Variants in HYDIN observed in about 807,000 individuals in gnomAD.
HYDIN encodes the protein axonemal central pair apparatus protein HYDIN.
HYDIN carries 132 observed loss-of-function variants against 403.9 expected under a neutral mutation model. The ratio of observed to expected loss-of-function variants is 0.33; its 90% CI spans 0.28 to 0.38. The LOEUF (loss-of-function observed/expected upper bound fraction) is 0.38. HYDIN is among the 10% of genes least tolerant of loss of function. HYDIN has a pLI of 1.00. For missense variants in HYDIN, 2,827 were observed against 5,009.5 expected, an observed-to-expected ratio of 0.56 and a Z score of 13.15; for synonymous variants, 1,202 against 1,891.7, an observed-to-expected ratio of 0.64 and a Z score of 9.46.
chr16:70,982,623 G>T (rs551819258), intron 28 of HYDIN, among the ~76,000 whole-genome samples: 12 of 140,670 alleles, frequency 8.5e-5, no homozygotes, highest in Non-Finnish European at 1.2e-4. Flanking sequence ...AGTGTTTTTC[G>T]TCTTCCTTTT....
At chr16:70,972,733 A>G (rs1171418288) in intron 35 of HYDIN, among the ~76,000 whole-genome samples, 7 of 152,304 alleles carry the variant, frequency 4.6e-5, no homozygotes, top group Non-Finnish European at 7.3e-5. Context: ...TCAAATTCAG[A>G]TTTTTCAAAT....
chr16:70,850,674 A>C lies in HYDIN; in HGVS notation c.12444-19T>G, dbSNP rs756481002. 6.2e-7 allele frequency: 1 copy of C among 1,604,430 alleles called. No homozygotes were observed. Among genetic ancestry groups the C allele is most frequent in the African/African-American group, 1.3e-5 (1 of 74,678 alleles). On this transcript the variant is annotated intron_variant, in intron 73 of 85. Coordinates refer to ENST00000393567, the MANE Select transcript of HYDIN (RefSeq NM_001270974.2). The stretch of plus-strand genomic sequence containing the variant: ...TGGGAACCTGGTTGGGGAACAAAAC[A>C]GCAGATTACCTGACTAGGCCAACTT...
rs767319126 is a variant in HYDIN, at chr16:71,093,923, C to T, written c.1340G>A (p.Arg447His). 1.9e-5 allele frequency: 31 copies of T among 1,613,240 alleles called. No homozygotes were observed. The Admixed American group carries it at 3.0e-4, about 16-fold the overall frequency. Residue 447 changes from arginine to histidine, a missense_variant, in exon 11 of 86, where the codon CGT becomes CAT. Arg to His is a conservative substitution (Grantham distance 29). Transcript: ENST00000393567. ...IYCDILGREIRLPLRIKGEGM... is the reference protein window; with the variant it reads ...IYCDILGREIHLPLRIKGEGM... Reference sequence around the variant, plus strand: ...TTCCCCTTTGATTCGGAGGGGCAGACGGATTTCTCGGCCTAGAAAAACAAT... The same window carrying T: ...TTCCCCTTTGATTCGGAGGGGCAGATGGATTTCTCGGCCTAGAAAAACAAT...
intron 13 of HYDIN, among the ~76,000 whole-genome samples, chr16:71,074,322 TAAC>T (rs1248099320): frequency 1.3e-5 from 2 of 149,932 alleles, no homozygotes; most frequent in Non-Finnish European, 3.0e-5. Context: ...CCTGAGCTAA[TAAC>T]AAGCTTATGC....
At chr16:70,966,211 G>A (rs141735843) in intron 36 of HYDIN, among the ~76,000 whole-genome samples, 17 of 152,346 alleles carry the variant, frequency 1.1e-4, no homozygotes, top group Non-Finnish European at 4.4e-5. Context: ...ATGTTCCTGA[G>A]AGTGCCCTCA....
At chr16:71,053,447 T>C (rs2081736555) in intron 18 of HYDIN, among the ~76,000 whole-genome samples, 1 of 152,172 alleles carries the variant, frequency 6.6e-6, no homozygotes, top group Non-Finnish European at 1.5e-5. Flanking sequence ...GAAATAAACA[T>C]AATAAGTGGT....
At chr16:70,974,973 T>C (rs1182487107) in intron 31 of HYDIN, among the ~76,000 whole-genome samples, 163 bp downstream of exon 31, 2 of 151,924 alleles carry the variant, frequency 1.3e-5, no homozygotes, top group African/African-American at 2.4e-5. Flanking sequence ...AGCTGCCCAG[T>C]TGGCTTGATG....
chr16:71,133,267 C>G (rs1301469180), intron 8 of HYDIN: 3 of 456,422 alleles, frequency 6.6e-6, no homozygotes, highest in Non-Finnish European at 1.3e-5. Context: ...TGGCCTGGAA[C>G]AAATGGAGCC....
At chr16:71,051,342 G>A (rs1162837840) in intron 18 of HYDIN, among the ~76,000 whole-genome samples, 1 of 151,874 alleles carries the variant, frequency 6.6e-6, no homozygotes, top group Non-Finnish European at 1.5e-5. Flanking sequence ...TATAAGAGAT[G>A]TTATGCTTAA....
intron 1 of HYDIN, among the ~76,000 whole-genome samples, chr16:71,226,125 A>C (rs1248424702): frequency 6.6e-6 from 1 of 152,252 alleles, no homozygotes; most frequent in Non-Finnish European, 1.5e-5. Flanking sequence ...AAATAAGAAC[A>C]AAGTAGAAGG....
At chr16:71,156,239 C>A (rs893734745) in intron 6 of HYDIN, among the ~76,000 whole-genome samples, 6 of 152,148 alleles carry the variant, frequency 3.9e-5, no homozygotes, top group African/African-American at 1.4e-4. Context: ...GGTTACTTTG[C>A]CTTTGTGCTA....
At chr16:71,110,198 G>A (rs374605841) in intron 10 of HYDIN, among the ~76,000 whole-genome samples, 1 of 146,148 alleles carries the variant, frequency 6.8e-6, no homozygotes, top group East Asian at 2.0e-4. Flanking sequence ...CTTGGTGCTA[G>A]CAGCATAAGA....
At chr16:71,213,230 G>C (rs1003786046) in intron 1 of HYDIN, among the ~76,000 whole-genome samples, 1 of 152,110 alleles carries the variant, frequency 6.6e-6, no homozygotes, top group Admixed American at 6.6e-5. Context: ...AAAAATCTAA[G>C]AGGCAAGAAG....
At chr16:71,223,759 AT>A (rs2040907790) in intron 1 of HYDIN, among the ~76,000 whole-genome samples, 1 of 152,224 alleles carries the variant, frequency 6.6e-6, no homozygotes, top group African/African-American at 2.4e-5. Flanking sequence ...GGAAATGCAA[AT>A]TAAAACCACA....
At chr16:70,866,416 A>T (rs1424601882) in intron 66 of HYDIN, 87 bp from the exon 67 acceptor site, 1 of 1,040,784 alleles carries the variant, frequency 9.6e-7, no homozygotes, top group Non-Finnish European at 1.4e-6. Flanking sequence ...GACCAGAAAC[A>T]TTCTAGGCAT....
chr16:71,067,991 T>C (rs899924795), intron 14 of HYDIN, among the ~76,000 whole-genome samples: 1 of 151,924 alleles, frequency 6.6e-6, no homozygotes, highest in Non-Finnish European at 1.5e-5. Context: ...TCATTGGTAC[T>C]TAGATTCCAA....
At chr16:71,129,357 C>T (rs924219019) in intron 9 of HYDIN, among the ~76,000 whole-genome samples, 15 of 151,718 alleles carry the variant, frequency 9.9e-5, no homozygotes, top group African/African-American at 3.6e-4. Context: ...TTGTATTGTA[C>T]ACTTGTAAGC....
chr16:71,037,062 G>C (rs2081113190), intron 18 of HYDIN, among the ~76,000 whole-genome samples: 1 of 151,266 alleles, frequency 6.6e-6, no homozygotes, highest in African/African-American at 2.4e-5. Flanking sequence ...GTGGGTTTGA[G>C]TCCCTGCTCT....
In HYDIN at chr16:70,868,700, C is replaced by T. The variant is rs372702737; in HGVS notation, c.11180G>A (p.Arg3727Lys). The change falls in exon 66 of 86, where the codon AGG becomes AAG. Residue 3727 changes from arginine to lysine, a missense_variant. Arg to Lys is a conservative substitution (Grantham distance 26). Transcript: ENST00000393567. ...VPINLKNMRI[R>K]CKLSRIMFQL... ...AAACATAATCCTGGAGAGCTTGCAC[C>T]TGATCCGCATATTCTTTAGGTTGAT... The T allele has an allele frequency of 1.2e-6, 2 of 1,614,136 alleles. No homozygotes were observed. The highest frequency in any genetic ancestry group is 1.7e-5 in the Admixed American group (1 of 60,010).
Sources: allele counts gnomAD v4.1 joint callset (sites outside exome capture counted in the v4.1 genomes callset), GRCh38; gene constraint gnomAD v4.1.1; transcripts MANE v1.5; gene names NCBI Gene and HGNC (gene_info 2026-07-23, HGNC 2026-07-21).